Variants in SOX13 observed in about 807,000 individuals in gnomAD.
SOX13 encodes SRY-box transcription factor 13.
A neutral mutation model predicts 71.8 loss-of-function variants in SOX13; 28 were observed. The observed-to-expected ratio is 0.39, with a 90% CI of 0.29 to 0.53. The LOEUF (loss-of-function observed/expected upper bound fraction) is 0.53, where lower values mean the gene tolerates loss of function less well. SOX13 is among the 20% of genes least tolerant of loss of function. SOX13 has a pLI of 0.70. For synonymous variants in SOX13, 309 were observed against 317.8 expected (o/e 0.97, Z 0.29); for missense variants, 627 against 810.3 (o/e 0.77, Z 2.75).
chr1:204,085,468 C>T (rs1310547594), intron 1 of SOX13, among the ~76,000 whole-genome samples: 7 of 152,144 alleles, frequency 4.6e-5, no homozygotes, highest in Non-Finnish European at 1.0e-4. Context: ...CAGAGTCTGG[C>T]GGGTACAGAG....
chr1:204,098,944 G>A (rs1656307313), intron 1 of SOX13, among the ~76,000 whole-genome samples: 1 of 152,238 alleles, frequency 6.6e-6, no homozygotes, highest in Non-Finnish European at 1.5e-5. Context: ...GAAGCTTGTA[G>A]CCTGTGAAAC....
intron 1 of SOX13, chr1:204,078,263 C>T (rs117142935): frequency 6.6e-6 from 1 of 152,284 alleles, no homozygotes; most frequent in East Asian, 1.9e-4. Flanking sequence ...TCTAGGTGTC[C>T]TTGCCCTTGA....
At position 204,117,107 on chromosome 1, in the gene SOX13, CTT is replaced by C; in HGVS notation, c.592-13_592-12del. ...ATGTCCGTGACCCCCTCTGCCTACTCTTTCCCTCTCCCAGATTGCAAAGCAGC... is the reference window on the plus strand; with the variant it reads ...ATGTCCGTGACCCCCTCTGCCTACTCTCCCTCTCCCAGATTGCAAAGCAGC... On this transcript the variant is annotated splice_polypyrimidine_tract_variant and intron_variant, in intron 5 of 13. Coordinates refer to ENST00000367204, the MANE Select transcript of SOX13 (RefSeq NM_005686.3). The C allele has an allele frequency of 6.2e-7, 1 of 1,613,704 alleles. No individual in the cohort carries two copies. The highest frequency in any genetic ancestry group is 8.5e-7 in the Non-Finnish European group (1 of 1,179,714).
intron 7 of SOX13, among the ~76,000 whole-genome samples, chr1:204,120,681 G>A (rs1377037558): frequency 1.3e-5 from 2 of 152,170 alleles, no homozygotes; most frequent in Non-Finnish European, 2.9e-5. Context: ...GCACACCTCG[G>A]CTCCCACAGG....
At chr1:204,087,987 A>C (rs1220574024) in intron 1 of SOX13, among the ~76,000 whole-genome samples, 1 of 152,190 alleles carries the variant, frequency 6.6e-6, no homozygotes, top group Non-Finnish European at 1.5e-5. Flanking sequence ...GACTCTGTTC[A>C]GAACAAGTGA....
chr1:204,123,506 C>T lies in SOX13; in HGVS notation c.1232-155C>T, dbSNP rs1229002174. Among the ~76,000 whole-genome samples the T allele has an allele frequency of 2.0e-5, 3 of 152,144 alleles. No homozygotes were observed. The highest frequency in any genetic ancestry group is 1.3e-4 in the Admixed American group (2 of 15,280). On this transcript the variant is annotated intron_variant, in intron 11 of 13. Transcript: ENST00000367204. This position sits in a 1 kb window ranked among gnomAD's most constrained non-coding sequence, Gnocchi z 5.0. ...GCGGATAATTTGCTGTTTCTTCTGC[C>T]CCATCTGCTCCTGCCTTGCTCCTCC...
At chr1:204,102,103 A>G (rs1277697165) in intron 1 of SOX13, among the ~76,000 whole-genome samples, 1 of 152,138 alleles carries the variant, frequency 6.6e-6, no homozygotes, top group Non-Finnish European at 1.5e-5. Flanking sequence ...GCCTCATTTC[A>G]CCATGTACTA....
Position 204,126,419 on chromosome 1 carries a change from T to G in SOX13, c.*285T>G. ...GCCAGGGGACACTGTATGACTCTCC[T>G]CTCCTGCAGGTGTCTATCCACCTGG... On this transcript the variant is annotated 3_prime_UTR_variant, in exon 14 of 14. Transcript: ENST00000367204. The G allele has an allele frequency of 2.2e-6, 1 of 451,246 alleles. No homozygotes were observed. The allele number at this position is 451,246 out of a possible 1,614,324, so 28.0% of individuals were successfully genotyped here. A position where few individuals can be genotyped will look rare whatever the true frequency, so the allele number is the denominator to read the frequency against.
intron 4 of SOX13, among the ~76,000 whole-genome samples, chr1:204,115,681 T>C (rs999372585): frequency 2.8e-5 from 4 of 142,296 alleles, no homozygotes; most frequent in Admixed American, 7.1e-5. Flanking sequence ...TTTTTTTTTT[T>C]TGGAGAGAGA....
rs1471651880 is a variant in SOX13 at position 204,104,950 on chromosome 1, T to A, written c.-1-7965T>A. ...GTTGTTGACTGGTTAGAAGAGGAAG[T>A]GGCTGGTGATTTGTTTTGGGCAGAA... On this transcript the variant is annotated intron_variant, in intron 1 of 13. Transcript: ENST00000367204. Among the ~76,000 whole-genome samples the A allele has an allele frequency of 2.0e-5, 3 of 152,186 alleles. No individual in the cohort carries two copies. The East Asian group carries it at 5.8e-4, about 29-fold the overall frequency.
intron 4 of SOX13, among the ~76,000 whole-genome samples, chr1:204,115,513 A>T (rs1044162526): frequency 2.8e-5 from 4 of 141,120 alleles, no homozygotes; most frequent in South Asian, 2.4e-4. Context: ...AAAAAAAAAA[A>T]GGTCTATGGC....
chr1:204,095,317 C>T (rs1241126751), intron 1 of SOX13, among the ~76,000 whole-genome samples: 1 of 152,192 alleles, frequency 6.6e-6, no homozygotes, highest in Admixed American at 6.5e-5. Context: ...GTCTGGGTCC[C>T]TTGAACTCCC....
chr1:204,123,325 GGT>G lies in SOX13; in HGVS notation c.1231+125_1231+126del, dbSNP rs1322686950. 6.0e-6 allele frequency: 5 copies of G among 827,376 alleles called. No individual in the cohort carries two copies. Among genetic ancestry groups the G allele is most frequent in the Non-Finnish European group, 1.0e-5 (5 of 484,282 alleles). The allele number at this position is 827,376 out of a possible 1,614,324, so 51.3% of individuals were successfully genotyped here. A position where few individuals can be genotyped will look rare whatever the true frequency, so the allele number is the denominator to read the frequency against. On this transcript the variant is annotated intron_variant, in intron 11 of 13. Transcript: ENST00000367204. The surrounding 1 kb of genome is among the most constrained non-coding windows in gnomAD (Gnocchi z 5.0). Reference sequence around the variant, plus strand: ...CCCTTGGTCTGTTGGGTCCTTTCCAGGTGTGTGTGCCTCTGCTGTCCCATTAT... The same window carrying G: ...CCCTTGGTCTGTTGGGTCCTTTCCAGGTGTGTGCCTCTGCTGTCCCATTAT...
At chr1:204,120,566 C>A (rs1250033662) in intron 7 of SOX13, among the ~76,000 whole-genome samples, 2 of 152,242 alleles carry the variant, frequency 1.3e-5, no homozygotes, top group African/African-American at 4.8e-5. Flanking sequence ...GGCCTCGGGG[C>A]CAACCTGGCC....
At chr1:204,086,548 G>T (rs544284507) in intron 1 of SOX13, among the ~76,000 whole-genome samples, 1 of 152,148 alleles carries the variant, frequency 6.6e-6, no homozygotes, top group Non-Finnish European at 1.5e-5. Flanking sequence ...TGATCTGCCC[G>T]CCTCGGCCTT....
chr1:204,124,759 G>C lies in SOX13; in HGVS notation c.1494G>C (p.Lys498Asn), dbSNP rs773176834. The change falls in exon 13 of 14, where the codon AAG (lysine) becomes AAC (asparagine). Residue 498 changes from lysine (K) to asparagine (N), a missense_variant. Physicochemically the swap from Lys to Asn is moderately conservative, Grantham distance 94 (BLOSUM62 0). Around this residue, in one of 3 missense-constraint regions of SOX13, gnomAD observed 148 missense variants for 192.7 expected, o/e 0.77. Coordinates refer to ENST00000367204, the MANE Select transcript of SOX13 (RefSeq NM_005686.3). Reference protein sequence around the residue: ...YPDYKYKPRPKRTCIVEGKRL... With the variant: ...YPDYKYKPRPNRTCIVEGKRL... ...ACTACAAGTACAAGCCGCGGCCCAA[G>C]CGCACCTGCATCGTGGAGGGCAAGC... The C allele has an allele frequency of 6.2e-7, 1 of 1,608,772 alleles. No homozygotes were observed. The highest frequency in any genetic ancestry group is 8.5e-7 in the Non-Finnish European group (1 of 1,177,874).
chr1:204,075,655 G>A (rs1344198084), intron 1 of SOX13, among the ~76,000 whole-genome samples: 1 of 152,162 alleles, frequency 6.6e-6, no homozygotes, highest in Non-Finnish European at 1.5e-5. Context: ...ATAGCCTAGT[G>A]GTTAAGAGTC....
In SOX13 at chr1:204,126,138, C is replaced by T. The variant is rs200645858; in HGVS notation, c.*4C>T. On this transcript the variant is annotated 3_prime_UTR_variant, in exon 14 of 14. Transcript: ENST00000367204. The stretch of plus-strand genomic sequence containing the variant: ...GTTGGTGGTGCTCACAGACTGATCC[C>T]GGCTGGGTGGGCCTGGCCCCTTCTC... 2,722 of 1,612,214 alleles carry T rather than the reference C, an allele frequency of 1.7e-3. 10 individuals carry two copies. Among genetic ancestry groups the T allele is most frequent in the Middle Eastern group, 0.014 (87 of 6,054 alleles).
chr1:204,124,549 C>G, intron 12 of SOX13, 92 bp from the exon 13 acceptor site: 1 of 1,066,962 alleles, frequency 9.4e-7, no homozygotes, highest in Non-Finnish European at 1.4e-6. Flanking sequence ...ATGGACCCAC[C>G]TGGGGATCAA....
Sources: gnomAD v4.1 joint callset for allele counts (sites outside exome capture counted in the v4.1 genomes callset) on GRCh38, gnomAD v4.1.1 for gene constraint, gnomAD v4.1.1 regional missense constraint, Gnocchi (gnomAD v3.1) non-coding constraint, MANE v1.5 for transcripts, NCBI Gene and HGNC (gene_info 2026-07-23, HGNC 2026-07-21) for gene names.